Variants in CHERP observed in about 807,000 individuals in gnomAD.
CHERP encodes the protein ERPROT 213-21.
A neutral mutation model predicts 113.8 loss-of-function variants in CHERP; 8 were observed. That is an observed-to-expected ratio of 0.07 (90% CI 0.04 to 0.13). CHERP has a LOEUF of 0.13. Ranked by LOEUF, CHERP falls within the 10% of genes least tolerant of loss-of-function variation. CHERP has a pLI of 1.00. For synonymous variants in CHERP, 559 were observed against 524.5 expected, an observed-to-expected ratio of 1.07 and a Z score of -0.90; for missense variants, 884 against 1,298.2, an observed-to-expected ratio of 0.68 and a Z score of 4.90.
rs958346194 is a variant in CHERP at position 16,525,732 on chromosome 19, C to G, written c.1306-55G>C. ...GCGTGGTCTAGGCCCTAGTGCTCGG[C>G]AGCATCACAGCGCTCGGCAGCATCA... On this transcript the variant is annotated intron_variant, in intron 9 of 16. Coordinates refer to ENST00000546361, the MANE Select transcript of CHERP (RefSeq NM_006387.6). The surrounding 1 kb of genome is among the most constrained non-coding windows in gnomAD (Gnocchi z 6.5). 7.2e-7 allele frequency: 1 copy of G among 1,392,248 alleles called. No individual in the cohort carries two copies. The highest frequency in any genetic ancestry group is 1.5e-5 in the African/African-American group (1 of 67,540). 86.2% of individuals were successfully genotyped at this position (1,392,248 alleles called of 1,614,324 possible).
chr19:16,542,135 G>A (rs1012698647), intron 1 of CHERP, 92 bp from the exon 2 acceptor site: 6 of 1,412,830 alleles, frequency 4.2e-6, no homozygotes, highest in Non-Finnish European at 5.7e-6. Context: ...GCCTTGCCGG[G>A]GACCCCAAGG....
At position 16,523,285 on chromosome 19, in the gene CHERP, C is replaced by T; in HGVS notation, c.1747G>A (p.Gly583Arg). ...TGGCCAGGGTGGTGGTGAGGGGGCC[C>T]CATTTCTGCAAAACAGAGACTTGCC... The part of the protein sequence containing the change: ...YPQGDFPAEM[G>R]PPHHHPGHRM... Residue 583 changes from glycine to arginine, a missense_variant, in exon 11 of 17, where the codon GGG becomes AGG. Gly to Arg is a moderately radical substitution (Grantham distance 125, BLOSUM62 -2). Around this residue, in one of 8 missense-constraint regions of CHERP, gnomAD observed 464 missense variants for 590.1 expected, o/e 0.79. Coordinates refer to ENST00000546361, the MANE Select transcript of CHERP (RefSeq NM_006387.6). This position sits in a 1 kb window ranked among gnomAD's most constrained non-coding sequence, Gnocchi z 4.0. 1 of 1,602,516 alleles carries T rather than the reference C, an allele frequency of 6.2e-7. No homozygotes were observed. The highest frequency in any genetic ancestry group is 8.5e-7 in the Non-Finnish European group (1 of 1,175,440).
At chr19:16,524,417 A>G (rs2122252520) in intron 10 of CHERP, among the ~76,000 whole-genome samples, 1 of 152,190 alleles carries the variant, frequency 6.6e-6, no homozygotes, top group East Asian at 1.9e-4. Context: ...TTAGCCAGGC[A>G]TGGTGGCGCA....
rs1034238692 is a variant in CHERP at position 16,520,010 on chromosome 19, G to C, written c.2462+139C>G. On this transcript the variant is annotated intron_variant, in intron 15 of 16. Coordinates refer to ENST00000546361, the MANE Select transcript of CHERP (RefSeq NM_006387.6). This position sits in a 1 kb window ranked among gnomAD's most constrained non-coding sequence, Gnocchi z 4.0. The stretch of plus-strand genomic sequence containing the variant: ...TTCGCCAAGTGGCTACTGTGGTGAA[G>C]GGTGAGGGGTGCCACTGTCCCCGGG... 2 of 898,610 alleles carry C rather than the reference G, an allele frequency of 2.2e-6. No individual in the cohort carries two copies. The highest frequency in any genetic ancestry group is 3.5e-6 in the Non-Finnish European group (2 of 574,210). 55.7% of individuals were successfully genotyped at this position (898,610 alleles called of 1,614,324 possible). A position where few individuals can be genotyped will look rare whatever the true frequency, so the allele number is the denominator to read the frequency against.
chr19:16,541,636 CT>C (rs2085780396), intron 2 of CHERP: 2 of 465,318 alleles, frequency 4.3e-6, no homozygotes, highest in African/African-American at 2.0e-5. Context: ...AGCAAAATCC[CT>C]GATCCAGAGC....
At chr19:16,541,619 A>C (rs533370231) in intron 2 of CHERP, 95 of 440,846 alleles carry the variant, frequency 2.2e-4, no homozygotes, top group African/African-American at 1.9e-3. Flanking sequence ...TCAGTCTGCA[A>C]AACAACAGCA....
Position 16,520,044 on chromosome 19 carries a change from G to C in CHERP, c.2462+105C>G, listed in dbSNP as rs1301934645. 5.0e-6 allele frequency: 6 copies of C among 1,201,522 alleles called. No homozygotes were observed. Among genetic ancestry groups the C allele is most frequent in the Non-Finnish European group, 7.2e-6 (6 of 832,144 alleles). 74.4% of individuals were successfully genotyped at this position (1,201,522 alleles called of 1,614,324 possible). On this transcript the variant is annotated intron_variant, in intron 15 of 16. Coordinates refer to ENST00000546361, the MANE Select transcript of CHERP (RefSeq NM_006387.6). The surrounding 1 kb of genome is among the most constrained non-coding windows in gnomAD (Gnocchi z 4.0). ...GTGCCACTGTCCCCGGGCTAATGCT[G>C]GCGGCCTCCTAACACAGTCTCCTAA...
At position 16,519,324 on chromosome 19, in the gene CHERP, C is replaced by T. The variant is rs372929779; in HGVS notation, c.2586G>A (p.Ala862=). 296 of 1,613,090 alleles carry T rather than the reference C, an allele frequency of 1.8e-4. No individual in the cohort carries two copies. Among genetic ancestry groups the T allele is most frequent in the Non-Finnish European group, 2.3e-4 (274 of 1,179,898 alleles). ...TGGGGTCCTGGATCCCTTGCTCCTT[C>T]GCACCGAGGCCGCCTGAGCCGCTCC... is the stretch of plus-strand genomic sequence containing the variant. ...MGWSGSGGLG[A]KEQGIQDPIK... Residue 862 remains alanine (A), a synonymous_variant, in exon 17 of 17, where the codon GCG becomes GCA. Transcript: ENST00000546361. The surrounding 1 kb of genome is among the most constrained non-coding windows in gnomAD (Gnocchi z 6.0).
intron 3 of CHERP, among the ~76,000 whole-genome samples, chr19:16,534,280 G>A (rs939752967): frequency 6.6e-6 from 1 of 152,090 alleles, no homozygotes; most frequent in East Asian, 1.9e-4. Flanking sequence ...TCAAACTCCT[G>A]ACCCTGTGAT....
chr19:16,524,888 A>G (rs552511310), intron 10 of CHERP, among the ~76,000 whole-genome samples: 1 of 152,054 alleles, frequency 6.6e-6, no homozygotes, highest in African/African-American at 2.4e-5. Context: ...CACCACGCCA[A>G]GTATTGATTT....
rs770041647 is a variant in CHERP, at chr19:16,528,104, G to A, written c.1281C>T (p.Pro427=). 74 of 1,613,424 alleles carry A rather than the reference G, an allele frequency of 4.6e-5. No individual in the cohort carries two copies. The highest frequency in any genetic ancestry group is 4.0e-4 in the East Asian group (18 of 44,884). Residue 427 remains proline, a synonymous_variant, in exon 9 of 17, where the codon CCC becomes CCT. Transcript: ENST00000546361. ...CCTGCTGCTGGCCCCAAGGAGCCAC[G>A]GGGTGAGGCTGGTCAAACCAAGGGG... The part of the protein sequence containing the change: ...NKPPWFDQPH[P]VAPWGQQQPP...
intron 3 of CHERP, 105 bp from the exon 4 acceptor site, chr19:16,533,253 C>A: frequency 8.6e-7 from 1 of 1,160,550 alleles, no homozygotes; most frequent in Non-Finnish European, 1.2e-6. Context: ...GGTGGCGATG[C>A]CCGGACTCTG....
chr19:16,529,790 G>A lies in CHERP; in HGVS notation c.987C>T (p.Ala329=). Residue 329 remains alanine, a synonymous_variant, in exon 8 of 17, where the codon GCC becomes GCT. Transcript: ENST00000546361. ...GCTGTTGCTGCTGCTGCTGCTGCTG[G>A]GCCAGGCTGGTGACAAACTCCTCGT... ...TQHEEFVTSL[A]QQQQQQQQQQ... 6.2e-7 allele frequency: 1 copy of A among 1,613,306 alleles called. No homozygotes were observed. Among genetic ancestry groups the A allele is most frequent in the Non-Finnish European group, 8.5e-7 (1 of 1,179,812 alleles).
intron 2 of CHERP, among the ~76,000 whole-genome samples, chr19:16,540,882 G>C (rs963751281): frequency 1.3e-4 from 20 of 150,882 alleles, no homozygotes; most frequent in African/African-American, 4.4e-4. Context: ...ATTTTTCGTA[G>C]AAACAGGGTT....
At chr19:16,522,679 G>C (rs538480754) in intron 11 of CHERP, among the ~76,000 whole-genome samples, 1 of 152,270 alleles carries the variant, frequency 6.6e-6, no homozygotes, top group South Asian at 2.1e-4. Context: ...GTGCTTGGTA[G>C]GCACAGCTCA....
chr19:16,519,672 C>A lies in CHERP; in HGVS notation c.2506G>T (p.Asp836Tyr). ...LGSNSAPPIPDSRLGEENKGH... is the reference protein window; with the variant it reads ...LGSNSAPPIPYSRLGEENKGH... ...TTGTTCTCTTCTCCGAGCCTTGAGT[C>A]AGGGATGGGAGGCGCCGAATTAGAA... The change falls in exon 16 of 17, where the codon GAC becomes TAC. Residue 836 changes from aspartate (D) to tyrosine (Y), a missense_variant. By Grantham distance (160) the Asp-to-Tyr change is radical. This residue lies in a region of CHERP where 159 missense variants were observed against 185.8 expected (regional missense o/e 0.86). Coordinates refer to ENST00000546361, the MANE Select transcript of CHERP (RefSeq NM_006387.6). The surrounding 1 kb of genome is among the most constrained non-coding windows in gnomAD (Gnocchi z 6.0). 6.2e-7 allele frequency: 1 copy of A among 1,613,990 alleles called. No individual in the cohort carries two copies. The highest frequency in any genetic ancestry group is 1.1e-5 in the South Asian group (1 of 91,062).
intron 12 of CHERP, 94 bp downstream of exon 12, chr19:16,521,427 C>G: frequency 1.6e-6 from 2 of 1,264,088 alleles, no homozygotes; most frequent in South Asian, 3.2e-5. Flanking sequence ...TGAGGGACAG[C>G]CACATTTTCT....
chr19:16,523,007 A>G lies in CHERP; in HGVS notation c.1980+45T>C. 3.4e-6 allele frequency: 5 copies of G among 1,479,632 alleles called. No individual in the cohort carries two copies. The highest frequency in any genetic ancestry group is 4.5e-6 in the Non-Finnish European group (5 of 1,117,654). 91.7% of individuals were successfully genotyped at this position (1,479,632 alleles called of 1,614,324 possible). ...CTTTTCACAAGGAGAAACGGGGACC[A>G]GTATGGTAAGCGTGCTCAGCTTGGA... On this transcript the variant is annotated intron_variant, in intron 11 of 16. Transcript: ENST00000546361. The surrounding 1 kb of genome is among the most constrained non-coding windows in gnomAD (Gnocchi z 4.0).
chr19:16,522,126 C>T (rs1054668404), intron 11 of CHERP, among the ~76,000 whole-genome samples: 3 of 152,326 alleles, frequency 2.0e-5, no homozygotes, highest in South Asian at 2.1e-4. Flanking sequence ...CCTGGGCCCC[C>T]GCCCGCAGCT....
Sources: allele counts gnomAD v4.1 joint callset (sites outside exome capture counted in the v4.1 genomes callset), GRCh38; gene constraint gnomAD v4.1.1; regional missense constraint gnomAD v4.1.1; non-coding constraint Gnocchi (gnomAD v3.1); transcripts MANE v1.5; gene names NCBI Gene and HGNC (gene_info 2026-07-23, HGNC 2026-07-21).